NCOR1: variants seen among roughly 807,000 people sequenced by gnomAD.
NCOR1 encodes nuclear receptor corepressor 1, also known as protein phosphatase 1, regulatory subunit 109.
In NCOR1, 63 loss-of-function variants were observed where a neutral mutation model predicts 288.1. The ratio of observed to expected loss-of-function variants is 0.22; its 90% CI spans 0.18 to 0.27. The LOEUF is 0.27. NCOR1 is among the 10% of genes least tolerant of loss of function. The pLI is 1.00. For synonymous variants in NCOR1, 1,007 were observed against 1,065.9 expected (o/e 0.94, Z 1.08); for missense variants, 2,397 against 3,019.2 (o/e 0.79, Z 4.83).
intron 31 of NCOR1, among the ~76,000 whole-genome samples, chr17:16,069,896 T>C (rs1014598165): frequency 6.6e-6 from 1 of 152,182 alleles, no homozygotes; most frequent in African/African-American, 2.4e-5. Flanking sequence ...CCTTATGCAA[T>C]TGGCTGAAAA....
chr17:16,103,427 T>C (rs1426093867), intron 19 of NCOR1, among the ~76,000 whole-genome samples: 1 of 152,236 alleles, frequency 6.6e-6, no homozygotes, highest in East Asian at 1.9e-4. Flanking sequence ...AGCCAGATTT[T>C]ACCACAATAA....
Position 16,061,778 on chromosome 17 carries a change from T to G in NCOR1, c.5504A>C (p.Asp1835Ala). The change falls in exon 37 of 46, where the codon GAT (aspartate) becomes GCT (alanine). Residue 1835 changes from aspartate (D) to alanine (A), a missense_variant. Physicochemically the swap from Asp to Ala is moderately radical, Grantham distance 126. Coordinates refer to ENST00000268712, the MANE Select transcript of NCOR1 (RefSeq NM_006311.4). ...VDAAASAPQM[D>A]VSKTKESKHE... Reference sequence around the variant, plus strand: ...CTTACTCTCTTTTGTTTTGGACACATCCATCTGGGGTGCAGAAGCTGCAGC... The same window carrying G: ...CTTACTCTCTTTTGTTTTGGACACAGCCATCTGGGGTGCAGAAGCTGCAGC... The G allele has an allele frequency of 2.5e-6, 4 of 1,614,216 alleles. No individual in the cohort carries two copies. The highest frequency in any genetic ancestry group is 2.5e-6 in the Non-Finnish European group (3 of 1,180,026).
At chr17:16,036,953 T>TCA (rs1336156783) in intron 44 of NCOR1, among the ~76,000 whole-genome samples, 1 of 151,174 alleles carries the variant, frequency 6.6e-6, no homozygotes, top group Non-Finnish European at 1.5e-5. Flanking sequence ...GGTCTAGCTT[T>TCA]CAGCCTGTCT....
At chr17:16,135,034 C>CGG (rs2076187559) in intron 14 of NCOR1, among the ~76,000 whole-genome samples, 1 of 151,690 alleles carries the variant, frequency 6.6e-6, no homozygotes, top group South Asian at 2.1e-4. Context: ...TGGCGGGTGC[C>CGG]GGTAGTCCCA....
intron 23 of NCOR1, among the ~76,000 whole-genome samples, chr17:16,083,356 CA>C (rs10715063): frequency 0.53 from 75,823 of 142,152 alleles, 19,476 homozygotes; most frequent in Middle Eastern, 0.62. Flanking sequence ...AGACTTTGTC[CA>C]AAAAAAAAAA....
intron 21 of NCOR1, among the ~76,000 whole-genome samples, chr17:16,097,838 G>A (rs963496130): frequency 6.6e-6 from 1 of 152,176 alleles, no homozygotes; most frequent in Admixed American, 6.5e-5. Flanking sequence ...TATAGAACTG[G>A]CATCAGAAAT....
intron 42 of NCOR1, among the ~76,000 whole-genome samples, chr17:16,043,116 G>C (rs903058905): frequency 6.6e-6 from 1 of 152,220 alleles, no homozygotes; most frequent in African/African-American, 2.4e-5. Flanking sequence ...AGAAAGCCAA[G>C]AGAGGAAAGC....
Position 16,127,274 on chromosome 17 carries a change from T to C in NCOR1, c.1510-1068A>G, listed in dbSNP as rs1282730850. ...ATATATGTGTGTGTATATATGTATG[T>C]ATATATACGTGTATATATGTATGTA... On this transcript the variant is annotated intron_variant, in intron 14 of 45. Transcript: ENST00000268712. Among the ~76,000 whole-genome samples the C allele has an allele frequency of 2.1e-4, 21 of 100,434 alleles. 4 individuals are homozygous for C. Among genetic ancestry groups the C allele is most frequent in the African/African-American group, 7.7e-4 (21 of 27,346 alleles). 65.9% of individuals were successfully genotyped at this position (100,434 alleles called of 152,430 possible).
rs1350024540 is a variant in NCOR1 at position 16,101,268 on chromosome 17, C to T, written c.2672G>A (p.Gly891Glu). ...GCCTCACCTCTGCCTCTCTGGCTCT[C>T]CATCCACATCCTCATCAGCGCTGCA... is the stretch of plus-strand genomic sequence containing the variant. Reference protein sequence around the residue: ...ATCSADEDVDGEPERQRMFPM... With the variant: ...ATCSADEDVDEEPERQRMFPM... Residue 891 changes from glycine to glutamate, a missense_variant, in exon 20 of 46, where the codon GGA becomes GAA. Physicochemically the swap from Gly to Glu is moderately conservative, Grantham distance 98. Coordinates refer to ENST00000268712, the MANE Select transcript of NCOR1 (RefSeq NM_006311.4). 1.3e-6 allele frequency: 2 copies of T among 1,598,396 alleles called. No individual in the cohort carries two copies. The highest frequency in any genetic ancestry group is 1.7e-4 in the Middle Eastern group (1 of 5,974).
intron 1 of NCOR1, among the ~76,000 whole-genome samples, chr17:16,211,468 A>C (rs574307582): frequency 6.6e-6 from 1 of 152,074 alleles, no homozygotes; most frequent in Non-Finnish European, 1.5e-5. Flanking sequence ...CCTGGCCTCA[A>C]GTGGTCCTAT....
rs1310682745 is a variant in NCOR1 at position 16,137,239 on chromosome 17, C to CT, written c.1509+71dup. 3 of 902,598 alleles carry CT rather than the reference C, an allele frequency of 3.3e-6. No individual in the cohort carries two copies. In the African/African-American group the frequency reaches 5.1e-5, roughly 15 times the overall value. 55.9% of individuals were successfully genotyped at this position (902,598 alleles called of 1,614,324 possible). On this transcript the variant is annotated intron_variant, in intron 14 of 45. Coordinates refer to ENST00000268712, the MANE Select transcript of NCOR1 (RefSeq NM_006311.4). Reference sequence around the variant, plus strand: ...AAACTACACACTAAGGGCAGGACTTCTGTTTTAACACTTTTTGCTTGCCTA... The same window carrying CT: ...AAACTACACACTAAGGGCAGGACTTCTTGTTTTAACACTTTTTGCTTGCCTA...
chr17:16,171,018 A>G (rs2083050206), intron 4 of NCOR1, among the ~76,000 whole-genome samples: 1 of 152,116 alleles, frequency 6.6e-6, no homozygotes, highest in African/African-American at 2.4e-5. Flanking sequence ...ATCTTTGTAC[A>G]GCATGGCAAC....
At chr17:16,091,385 G>A (rs1390766639) in intron 22 of NCOR1, among the ~76,000 whole-genome samples, 1 of 152,252 alleles carries the variant, frequency 6.6e-6, no homozygotes, top group Non-Finnish European at 1.5e-5. Context: ...GAAAGGTTAA[G>A]TGACTTGCCT....
At position 16,127,241 on chromosome 17, in the gene NCOR1, A is replaced by C. The variant is rs529674789; in HGVS notation, c.1510-1035T>G. 1.1e-4 allele frequency among the ~76,000 whole-genome samples: 15 copies of C among 137,984 alleles called. 1 individual carries two copies. Among genetic ancestry groups the C allele is most frequent in the East Asian group, 6.0e-4 (3 of 4,980 alleles). The allele number at this position is 137,984 out of a possible 152,430, so 90.5% of individuals were successfully genotyped here. A position where few individuals can be genotyped will look rare whatever the true frequency, so the allele number is the denominator to read the frequency against. On this transcript the variant is annotated intron_variant, in intron 14 of 45. Coordinates refer to ENST00000268712, the MANE Select transcript of NCOR1 (RefSeq NM_006311.4). ...TATGTATATATACATGTATGCATAT[A>C]TGTATGTATATATGTGTGTGTATAT...
intron 18 of NCOR1, among the ~76,000 whole-genome samples, chr17:16,110,544 T>G (rs1017773027): frequency 1.3e-5 from 2 of 152,170 alleles, no homozygotes; most frequent in Non-Finnish European, 2.9e-5. Context: ...TATAACTTCA[T>G]GTTACTAAAT....
At chr17:16,098,983 G>C (rs941184525) in intron 20 of NCOR1, among the ~76,000 whole-genome samples, 2 of 152,104 alleles carry the variant, frequency 1.3e-5, no homozygotes, top group Non-Finnish European at 2.9e-5. Context: ...ATGTTTTATT[G>C]GGATCACAGA....
intron 1 of NCOR1, among the ~76,000 whole-genome samples, chr17:16,214,116 C>G (rs1007409213): frequency 4.6e-5 from 7 of 152,198 alleles, no homozygotes; most frequent in Non-Finnish European, 1.5e-5. Context: ...GCGGTTACTT[C>G]TTCTGTAATT....
At chr17:16,098,802 A>G (rs963747513) in intron 20 of NCOR1, 2 of 179,886 alleles carry the variant, frequency 1.1e-5, no homozygotes, top group Non-Finnish European at 2.3e-5. Context: ...AGCATTTTAT[A>G]TTAGAAAGAA....
At chr17:16,154,015 CTT>C (rs61436082) in intron 6 of NCOR1, among the ~76,000 whole-genome samples, 6,956 of 109,442 alleles carry the variant, frequency 0.064, 270 homozygotes, top group African/African-American at 0.23. Flanking sequence ...ATGCTATTTC[CTT>C]TTTTTTTTTT....
Sources: allele counts gnomAD v4.1 joint callset (sites outside exome capture counted in the v4.1 genomes callset), GRCh38; gene constraint gnomAD v4.1.1; transcripts MANE v1.5; gene names NCBI Gene and HGNC (gene_info 2026-07-23, HGNC 2026-07-21).